The following UBE2E1 variants were observed in gnomAD, a reference collection of about 807,000 sequenced individuals.
The protein encoded by UBE2E1 is ubiquitin-conjugating enzyme E2 E1.
UBE2E1 carries 6 observed loss-of-function variants against 21.4 expected under a neutral mutation model. The observed-to-expected ratio is 0.28, with a 90% CI of 0.15 to 0.55. The LOEUF (loss-of-function observed/expected upper bound fraction) is 0.55, where lower values mean the gene tolerates loss of function less well. UBE2E1 is among the 20% of genes least tolerant of loss of function. UBE2E1 has a pLI of 0.93. For synonymous variants in UBE2E1, 87 were observed against 82.7 expected (o/e 1.05, Z -0.28); for missense variants, 142 against 236.5 (o/e 0.60, Z 2.62).
chr3:23,863,820 G>A lies in UBE2E1; in HGVS notation c.204-23747G>A, dbSNP rs1418901521. Among the ~76,000 whole-genome samples, 5 of 152,082 alleles carry A rather than the reference G, an allele frequency of 3.3e-5. No individual in the cohort carries two copies. Among genetic ancestry groups the A allele is most frequent in the African/African-American group, 7.2e-5 (3 of 41,394 alleles). ...GCTGGGATTACAGGCGTGAACCACCGCGCCCAGCCTGAATTTTATCTTTTT... is the reference window on the plus strand; with the variant it reads ...GCTGGGATTACAGGCGTGAACCACCACGCCCAGCCTGAATTTTATCTTTTT... On this transcript the variant is annotated intron_variant, in intron 3 of 5. Coordinates refer to ENST00000306627, the MANE Select transcript of UBE2E1 (RefSeq NM_003341.5). The surrounding 1 kb of genome is among the most constrained non-coding windows in gnomAD (Gnocchi z 4.3).
intron 3 of UBE2E1, among the ~76,000 whole-genome samples, chr3:23,869,669 T>G (rs1396147966): frequency 6.9e-6 from 1 of 144,844 alleles, no homozygotes; most frequent in African/African-American, 2.6e-5. Context: ...CAGTCGGAGA[T>G]TGCTTGAGCT....
At chr3:23,860,052 G>A (rs552858958) in intron 3 of UBE2E1, among the ~76,000 whole-genome samples, 1 of 152,296 alleles carries the variant, frequency 6.6e-6, no homozygotes, top group African/African-American at 2.4e-5. Context: ...GATGTGTAAG[G>A]ATGTCTTGAA....
At chr3:23,824,950 C>G (rs976306931) in intron 3 of UBE2E1, among the ~76,000 whole-genome samples, 2 of 152,204 alleles carry the variant, frequency 1.3e-5, no homozygotes, top group African/African-American at 4.8e-5. Context: ...TGTACCCAGA[C>G]TGTATATATC....
chr3:23,848,442 C>T (rs1248956725), intron 3 of UBE2E1, among the ~76,000 whole-genome samples: 1 of 151,400 alleles, frequency 6.6e-6, no homozygotes, highest in African/African-American at 2.4e-5. Context: ...TGCACTCCAG[C>T]CTGCGTAGCA....
chr3:23,839,452 A>G (rs1485306346), intron 3 of UBE2E1, among the ~76,000 whole-genome samples: 1 of 151,868 alleles, frequency 6.6e-6, no homozygotes, highest in African/African-American at 2.4e-5. Flanking sequence ...CAACAGAGAG[A>G]GAGTCTGTCT....
At chr3:23,837,436 A>C (rs1000710106) in intron 3 of UBE2E1, among the ~76,000 whole-genome samples, 1 of 152,196 alleles carries the variant, frequency 6.6e-6, no homozygotes. Context: ...TGGTGTCTCA[A>C]AAAGATAGTA....
intron 3 of UBE2E1, among the ~76,000 whole-genome samples, chr3:23,819,220 G>C (rs140260070): frequency 1.3e-5 from 2 of 152,120 alleles, no homozygotes; most frequent in Non-Finnish European, 1.5e-5. Flanking sequence ...GGAGACAGGG[G>C]TTGCAGTGAA....
At chr3:23,840,988 T>A (rs1041128312) in intron 3 of UBE2E1, among the ~76,000 whole-genome samples, 2 of 152,248 alleles carry the variant, frequency 1.3e-5, no homozygotes, top group Admixed American at 6.5e-5. Context: ...AGATTTAGTA[T>A]CTGATATACC....
intron 3 of UBE2E1, among the ~76,000 whole-genome samples, chr3:23,860,851 A>T (rs1700539475): frequency 6.6e-6 from 1 of 152,210 alleles, no homozygotes; most frequent in Non-Finnish European, 1.5e-5. Flanking sequence ...TTCACTAGGG[A>T]TGTAACTAAT....
intron 3 of UBE2E1, among the ~76,000 whole-genome samples, chr3:23,874,614 AC>A (rs1431321822): frequency 1.3e-5 from 2 of 152,184 alleles, no homozygotes; most frequent in Non-Finnish European, 2.9e-5. Context: ...ATCACCACAC[AC>A]ACACAGCATT....
At chr3:23,871,153 C>A (rs888644537) in intron 3 of UBE2E1, among the ~76,000 whole-genome samples, 19 of 151,670 alleles carry the variant, frequency 1.3e-4, no homozygotes, top group African/African-American at 4.4e-4. Flanking sequence ...TCCACAAAAC[C>A]GCCATTGTCA....
At chr3:23,871,173 G>A (rs1368600028) in intron 3 of UBE2E1, among the ~76,000 whole-genome samples, 41 of 151,856 alleles carry the variant, frequency 2.7e-4, no homozygotes, top group African/African-American at 9.0e-4. Flanking sequence ...ATCATGGCCC[G>A]TTCTCAATGA....
rs759418034 is a variant in UBE2E1, at chr3:23,842,246, T to TGTGTGGTG, written c.203+30739_203+30740insTGGTGGTG. ...GTGTGTGTGTGTGTGTGTGTGTGTG[T>TGTGTGGTG]GTGGTGTTGTTGTTGTTGGCGACAG... On this transcript the variant is annotated intron_variant, in intron 3 of 5. Coordinates refer to ENST00000306627, the MANE Select transcript of UBE2E1 (RefSeq NM_003341.5). The surrounding 1 kb of genome is among the most constrained non-coding windows in gnomAD (Gnocchi z 4.6). Among the ~76,000 whole-genome samples, 7 of 36,756 alleles carry TGTGTGGTG rather than the reference T, an allele frequency of 1.9e-4. No individual in the cohort carries two copies. Among genetic ancestry groups the TGTGTGGTG allele is most frequent in the African/African-American group, 4.7e-4 (6 of 12,754 alleles). The allele number at this position is 36,756 out of a possible 152,430, so 24.1% of individuals were successfully genotyped here.
chr3:23,829,902 T>G (rs749531463), intron 3 of UBE2E1, among the ~76,000 whole-genome samples: 6 of 152,198 alleles, frequency 3.9e-5, no homozygotes, highest in Non-Finnish European at 7.3e-5. Flanking sequence ...AGGAGTTTGC[T>G]GCTATTTCGG....
In UBE2E1 at chr3:23,836,611, A is replaced by C. The variant is rs192050148; in HGVS notation, c.203+25101A>C. Among the ~76,000 whole-genome samples, 15 of 152,310 alleles carry C rather than the reference A, an allele frequency of 9.8e-5. No homozygotes were observed. The highest frequency in any genetic ancestry group is 3.6e-4 in the African/African-American group (15 of 41,566). On this transcript the variant is annotated intron_variant, in intron 3 of 5. Coordinates refer to ENST00000306627, the MANE Select transcript of UBE2E1 (RefSeq NM_003341.5). This position sits in a 1 kb window ranked among gnomAD's most constrained non-coding sequence, Gnocchi z 4.1. ...GTTTTAGAGCTGAAAGGGAACTTAG[A>C]TCTAGTTCAGTTCCTCATTTTACAA...
intron 3 of UBE2E1, among the ~76,000 whole-genome samples, chr3:23,835,760 C>G (rs945702604): frequency 2.6e-5 from 4 of 152,102 alleles, no homozygotes; most frequent in African/African-American, 9.7e-5. Context: ...AGTTAAATCT[C>G]ACGGTTTACC....
At chr3:23,825,016 G>C (rs6789735) in intron 3 of UBE2E1, among the ~76,000 whole-genome samples, 116,347 of 152,162 alleles carry the variant, frequency 0.76, 44,813 homozygotes, top group African/African-American at 0.82. Flanking sequence ...AAGTATATAC[G>C]AAACCTTGTA....
intron 4 of UBE2E1, 35 bp from the exon 5 acceptor site, chr3:23,889,077 C>CTGTT (rs1271833030): frequency 1.9e-6 from 3 of 1,559,382 alleles, no homozygotes; most frequent in Non-Finnish European, 2.6e-6. Context: ...AGTTTGTTTG[C>CTGTT]TGTTTAAATA....
In UBE2E1 at chr3:23,848,788, T is replaced by C. The variant is rs546720656; in HGVS notation, c.203+37278T>C. ...GGGCATCTAAGAAAGGAAGAGGGAA[T>C]AGCATTAGCAAGAAAGTCCTAACTG... On this transcript the variant is annotated intron_variant, in intron 3 of 5. Transcript: ENST00000306627. Among the ~76,000 whole-genome samples, 4 of 152,240 alleles carry C rather than the reference T, an allele frequency of 2.6e-5. No homozygotes were observed. In the South Asian group the frequency reaches 8.3e-4, roughly 32 times the overall value.
Sources: allele counts gnomAD v4.1 joint callset (sites outside exome capture counted in the v4.1 genomes callset), GRCh38; gene constraint gnomAD v4.1.1; non-coding constraint Gnocchi (gnomAD v3.1); transcripts MANE v1.5; gene names NCBI Gene and HGNC (gene_info 2026-07-23, HGNC 2026-07-21).